PKHD1L1: variants seen among roughly 807,000 people sequenced by gnomAD.
PKHD1L1 encodes fibrocystin-L.
In PKHD1L1, 434 loss-of-function variants were observed where a neutral mutation model predicts 462.9. That is an observed-to-expected ratio of 0.94 (90% CI 0.87 to 1.02). The LOEUF (loss-of-function observed/expected upper bound fraction) is 1.02, where lower values mean the gene tolerates loss of function less well. PKHD1L1 is among the 50% of genes least tolerant of loss of function. The pLI, the probability that PKHD1L1 is intolerant of heterozygous loss-of-function variation, is 0.00. For missense variants in PKHD1L1, 5,202 were observed against 5,096.1 expected, an observed-to-expected ratio of 1.02 and a Z score of -0.63; for synonymous variants, 1,781 against 1,750.0, an observed-to-expected ratio of 1.02 and a Z score of -0.44.
At chr8:109,493,951 T>G (rs1357755767) in intron 63 of PKHD1L1, among the ~76,000 whole-genome samples, 200 bp downstream of exon 63, 1 of 151,932 alleles carries the variant, frequency 6.6e-6, no homozygotes, top group African/African-American at 2.4e-5. Flanking sequence ...AAACTTTATT[T>G]TCCCAAGTTT....
At chr8:109,374,909 T>C (rs1178574349) in intron 2 of PKHD1L1, among the ~76,000 whole-genome samples, 1 of 152,070 alleles carries the variant, frequency 6.6e-6, no homozygotes, top group East Asian at 1.9e-4. Context: ...GGTAACCCGA[T>C]CTTTCTCTCT....
At chr8:109,436,512 A>G (rs1414846483) in intron 30 of PKHD1L1, 53 bp downstream of exon 30, 14 of 1,593,846 alleles carry the variant, frequency 8.8e-6, no homozygotes, top group Non-Finnish European at 1.2e-5. Context: ...AATCTTATAA[A>G]TTAGGAAACA....
rs181302833 is a variant in PKHD1L1 at position 109,433,285 on chromosome 8, A to G, written c.3340+69A>G. 317 of 1,158,962 alleles carry G rather than the reference A, an allele frequency of 2.7e-4. 3 individuals carry two copies. In the African/African-American group the frequency reaches 4.4e-3, roughly 16 times the overall value. 71.8% of individuals were successfully genotyped at this position (1,158,962 alleles called of 1,614,324 possible). On this transcript the variant is annotated intron_variant, in intron 28 of 77. Transcript: ENST00000378402. ...AGATAAAGTGGAATCAAAGGGCAGT[A>G]TTACAATTATCTTGATCGTGTACAA... is the stretch of plus-strand genomic sequence containing the variant.
intron 2 of PKHD1L1, among the ~76,000 whole-genome samples, chr8:109,376,773 A>G (rs1295420809): frequency 6.6e-6 from 1 of 152,184 alleles, no homozygotes; most frequent in African/African-American, 2.4e-5. Context: ...ATTCCTAACT[A>G]TCCATTAAGA....
intron 54 of PKHD1L1, 91 bp from the exon 55 acceptor site, chr8:109,479,900 A>C: frequency 7.9e-7 from 1 of 1,265,686 alleles, no homozygotes; most frequent in South Asian, 1.6e-5. Flanking sequence ...ATAAACACTC[A>C]AAACTAGGAC....
Position 109,485,063 on chromosome 8 carries a change from T to A in PKHD1L1, c.9596T>A (p.Ile3199Lys). The change falls in exon 58 of 78, where the codon ATA (isoleucine) becomes AAA (lysine). Residue 3199 changes from isoleucine to lysine, a missense_variant. Physicochemically the swap from Ile to Lys is moderately radical, Grantham distance 102. This residue lies in a region of PKHD1L1 where 4,497 missense variants were observed against 4,336.8 expected (regional missense o/e 1.04). Transcript: ENST00000378402. ...TCTAAGGAGGGAGAAGAGATTGTGA[T>A]AACAACCACAAGCTACGATTTCCAC... ...VDWQEGEEIV[I>K]TTTSYDFHQT... The A allele has an allele frequency of 6.3e-7, 1 of 1,597,688 alleles. No individual in the cohort carries two copies. Among genetic ancestry groups the A allele is most frequent in the African/African-American group, 1.3e-5 (1 of 74,384 alleles).
intron 40 of PKHD1L1, among the ~76,000 whole-genome samples, chr8:109,450,477 A>AATAT (rs201037112): frequency 2.0e-5 from 3 of 150,866 alleles, no homozygotes; most frequent in Non-Finnish European, 4.4e-5. Flanking sequence ...CTGATTAAAA[A>AATAT]ATATATATAT....
chr8:109,363,168 A>G (rs1201800836), intron 1 of PKHD1L1, among the ~76,000 whole-genome samples: 1 of 151,838 alleles, frequency 6.6e-6, no homozygotes. Flanking sequence ...GAAGAGACTG[A>G]TAAGATAAGA....
rs1821089420 is a variant in PKHD1L1 at position 109,533,612 on chromosome 8, C to T, written c.*3522C>T. ...TCTCGTGGCATATTCTAGAAACTGA[C>T]CTTAAAACATAGCTATTATGCATCC... On this transcript the variant is annotated 3_prime_UTR_variant, in exon 78 of 78. Coordinates refer to ENST00000378402, the MANE Select transcript of PKHD1L1 (RefSeq NM_177531.6). Among the ~76,000 whole-genome samples the T allele has an allele frequency of 6.6e-6, 1 of 152,138 alleles. No individual in the cohort carries two copies. The highest frequency in any genetic ancestry group is 1.5e-5 in the Non-Finnish European group (1 of 68,018).
In PKHD1L1 at chr8:109,409,985, A is replaced by C; in HGVS notation, c.2085+7A>C. On this transcript the variant is annotated splice_region_variant and intron_variant, in intron 19 of 77. Coordinates refer to ENST00000378402, the MANE Select transcript of PKHD1L1 (RefSeq NM_177531.6). ...TGAAACTGATTTTAATCTGGTATGA[A>C]ATATTTAATGAACTGTGAAACTGAC... 2 of 1,425,542 alleles carry C rather than the reference A, an allele frequency of 1.4e-6. No individual in the cohort carries two copies. The highest frequency in any genetic ancestry group is 1.9e-6 in the Non-Finnish European group (2 of 1,033,290). 88.3% of individuals were successfully genotyped at this position (1,425,542 alleles called of 1,614,324 possible).
chr8:109,420,632 C>T lies in PKHD1L1; in HGVS notation c.2639C>T (p.Thr880Ile), dbSNP rs747274119. The T allele has an allele frequency of 3.1e-6, 5 of 1,607,796 alleles. No individual in the cohort carries two copies. Among genetic ancestry groups the T allele is most frequent in the Non-Finnish European group, 4.2e-6 (5 of 1,177,248 alleles). ...ACTATGACAAACCAATATTCTGTTA[C>T]CATGACTTCATACAATTGCAGTTAC... Reference protein sequence around the residue: ...GPTMTNQYSVTMTSYNCSYNI... With the variant: ...GPTMTNQYSVIMTSYNCSYNI... The change falls in exon 23 of 78, where the codon ACC becomes ATC. Residue 880 changes from threonine to isoleucine, a missense_variant. Thr to Ile is a moderately conservative substitution (Grantham distance 89). Around this residue, in one of 3 missense-constraint regions of PKHD1L1, gnomAD observed 4,497 missense variants for 4,336.8 expected, o/e 1.04. Coordinates refer to ENST00000378402, the MANE Select transcript of PKHD1L1 (RefSeq NM_177531.6).
intron 17 of PKHD1L1, among the ~76,000 whole-genome samples, chr8:109,406,749 T>C (rs1243327461): frequency 6.6e-6 from 1 of 152,102 alleles, no homozygotes; most frequent in Admixed American, 6.6e-5. Flanking sequence ...AAATATTCAT[T>C]CTGAAAATAA....
At chr8:109,505,810 C>T (rs772394392) in intron 68 of PKHD1L1, among the ~76,000 whole-genome samples, 1 of 152,102 alleles carries the variant, frequency 6.6e-6, no homozygotes, top group African/African-American at 2.4e-5. Flanking sequence ...GAGGCTGAGG[C>T]AGGAGGATTG....
chr8:109,467,106 A>G (rs1021658037), intron 50 of PKHD1L1, among the ~76,000 whole-genome samples: 1 of 152,030 alleles, frequency 6.6e-6, no homozygotes, highest in African/African-American at 2.4e-5. Context: ...GCTGATTGAG[A>G]TGGGATGGGG....
intron 63 of PKHD1L1, among the ~76,000 whole-genome samples, chr8:109,494,444 T>C (rs1239872165): frequency 5.9e-5 from 9 of 151,960 alleles, no homozygotes; most frequent in Admixed American, 5.9e-4. Context: ...AACAAGGTTA[T>C]TCATCACAGC....
intron 2 of PKHD1L1, among the ~76,000 whole-genome samples, chr8:109,367,856 T>C (rs1333594554): frequency 6.6e-6 from 1 of 152,214 alleles, no homozygotes; most frequent in Non-Finnish European, 1.5e-5. Context: ...TGAGCTATGA[T>C]TGTACCACTG....
At chr8:109,368,121 T>C (rs1037915520) in intron 2 of PKHD1L1, among the ~76,000 whole-genome samples, 3 of 152,240 alleles carry the variant, frequency 2.0e-5, no homozygotes, top group Non-Finnish European at 4.4e-5. Context: ...AGTCATACCT[T>C]GTATTTCTCA....
intron 2 of PKHD1L1, among the ~76,000 whole-genome samples, chr8:109,372,109 C>G (rs575552319): frequency 1.3e-5 from 2 of 152,140 alleles, no homozygotes; most frequent in African/African-American, 2.4e-5. Context: ...TGGCCGTTTT[C>G]ACAATATTGA....
At chr8:109,391,311 C>T (rs1247929961) in intron 9 of PKHD1L1, among the ~76,000 whole-genome samples, 1 of 152,182 alleles carries the variant, frequency 6.6e-6, no homozygotes, top group African/African-American at 2.4e-5. Context: ...CCCATGCCAT[C>T]TAACTCTAGG....
Sources: gnomAD v4.1 joint callset for allele counts (sites outside exome capture counted in the v4.1 genomes callset) on GRCh38, gnomAD v4.1.1 for gene constraint, gnomAD v4.1.1 regional missense constraint, MANE v1.5 for transcripts, NCBI Gene and HGNC (gene_info 2026-07-23, HGNC 2026-07-21) for gene names.